The following DCDC2 variants were observed in gnomAD, a reference collection of about 807,000 sequenced individuals.
The protein encoded by DCDC2 is doublecortin domain-containing protein 2.
In DCDC2, 40 loss-of-function variants were observed where a neutral mutation model predicts 50.2. The observed-to-expected ratio is 0.80, with a 90% CI of 0.62 to 1.04. The LOEUF is 1.04. Among genes scored for constraint, DCDC2 ranks in the 50% least tolerant of loss-of-function variants. The pLI, the probability that DCDC2 is intolerant of heterozygous loss-of-function variation, is 0.00. For missense variants in DCDC2, 570 were observed against 581.9 expected, an observed-to-expected ratio of 0.98 and a Z score of 0.21; for synonymous variants, 234 against 210.6, an observed-to-expected ratio of 1.11 and a Z score of -0.96.
At position 24,202,824 on chromosome 6, in the gene DCDC2, A is replaced by G. The variant is rs57960753; in HGVS notation, c.1023+2178T>C. On this transcript the variant is annotated intron_variant, in intron 8 of 9. Transcript: ENST00000378454. The stretch of plus-strand genomic sequence containing the variant: ...AAATCAGTGTGCAAAAATCACAAGC[A>G]TTCCTATACACCAGTAATAGACAAA... 2.8e-3 allele frequency among the ~76,000 whole-genome samples: 429 copies of G among 152,310 alleles called. 1 individual carries two copies. The highest frequency in any genetic ancestry group is 1.0e-2 in the African/African-American group (414 of 41,578).
intron 2 of DCDC2, among the ~76,000 whole-genome samples, chr6:24,331,861 C>T (rs946340640): frequency 6.6e-6 from 1 of 152,104 alleles, no homozygotes; most frequent in African/African-American, 2.4e-5. Flanking sequence ...AGTGTTGCTT[C>T]CTCAGCAACC....
the DCDC2 span, among the ~76,000 whole-genome samples, chr6:24,373,716 C>G: frequency 6.6e-6 from 1 of 152,098 alleles, no homozygotes; most frequent in East Asian, 1.9e-4. Context: ...GGGAGTGGTA[C>G]GTCTTTGTAT....
At chr6:24,208,363 C>CTTTTTTTTTTTTTTTTTTTTTTT (rs34475687) in intron 7 of DCDC2, among the ~76,000 whole-genome samples, 1 of 84,404 alleles carries the variant, frequency 1.2e-5, no homozygotes, top group Non-Finnish European at 2.1e-5. Context: ...CTCTGTGCTA[C>CTTTTTTTTTTTTTTTTTTTTTTT]TTTTTTTTTT....
In DCDC2 at chr6:24,288,744, C is replaced by T. The variant is rs1293121156; in HGVS notation, c.759+108G>A. On this transcript the variant is annotated intron_variant, in intron 6 of 9. Transcript: ENST00000378454. ...GTTTCACATAATTGGTTATACACCACGAAGCGGCTAAGTTTTATCTCTTGG... is the reference window on the plus strand; with the variant it reads ...GTTTCACATAATTGGTTATACACCATGAAGCGGCTAAGTTTTATCTCTTGG... 25 of 958,640 alleles carry T rather than the reference C, an allele frequency of 2.6e-5. 1 individual carries two copies. Among genetic ancestry groups the T allele is most frequent in the South Asian group, 1.8e-4 (13 of 71,746 alleles). The allele number at this position is 958,640 out of a possible 1,614,324, so 59.4% of individuals were successfully genotyped here.
intron 2 of DCDC2, among the ~76,000 whole-genome samples, chr6:24,309,193 C>A (rs111229389): frequency 6.6e-6 from 1 of 151,772 alleles, no homozygotes; most frequent in African/African-American, 2.4e-5. Context: ...GGCTTGGTGG[C>A]GGGCACTTGT....
chr6:24,328,917 T>C (rs932457085), intron 2 of DCDC2, among the ~76,000 whole-genome samples: 1 of 152,320 alleles, frequency 6.6e-6, no homozygotes. Flanking sequence ...CGATACATGA[T>C]AGATATTTAC....
At chr6:24,301,604 G>A (rs1470147382) in intron 4 of DCDC2, 111 bp downstream of exon 4, 4 of 1,254,762 alleles carry the variant, frequency 3.2e-6, no homozygotes, top group Non-Finnish European at 4.5e-6. Context: ...GGCATACGGG[G>A]CCTAACTGGG....
intron 2 of DCDC2, among the ~76,000 whole-genome samples, chr6:24,339,719 T>A (rs1456164150): frequency 4.6e-5 from 7 of 152,224 alleles, no homozygotes; most frequent in Non-Finnish European, 1.0e-4. Context: ...GTCTGTGTAC[T>A]CAGAGTAATT....
chr6:24,249,261 A>G lies in DCDC2; in HGVS notation c.922+28788T>C, dbSNP rs149092166. 2.4e-3 allele frequency among the ~76,000 whole-genome samples: 373 copies of G among 152,336 alleles called. 2 individuals carry two copies. The highest frequency in any genetic ancestry group is 8.6e-3 in the African/African-American group (358 of 41,586). ...CCATAATTAAAAATATACTACAATC[A>G]TAGCTCTGTGGAGATGGGTTTGACT... On this transcript the variant is annotated intron_variant, in intron 7 of 9. Transcript: ENST00000378454.
At chr6:24,363,834 G>A in the DCDC2 span, among the ~76,000 whole-genome samples, 2 of 152,150 alleles carry the variant, frequency 1.3e-5, no homozygotes, top group Non-Finnish European at 2.9e-5. Flanking sequence ...CCACAGAACA[G>A]TCATCCTGAA....
chr6:24,286,302 T>C (rs1056228808), intron 6 of DCDC2, among the ~76,000 whole-genome samples: 22 of 152,134 alleles, frequency 1.4e-4, no homozygotes, highest in African/African-American at 5.1e-4. Flanking sequence ...TGTTCAAATC[T>C]ACAACTCAGG....
At chr6:24,314,653 AT>A in intron 2 of DCDC2, among the ~76,000 whole-genome samples, 1 of 152,316 alleles carries the variant, frequency 6.6e-6, no homozygotes, top group East Asian at 1.9e-4. Context: ...GTTTAAAAAA[AT>A]GAACATTGAC....
At chr6:24,182,728 G>T (rs1761106372) in intron 8 of DCDC2, among the ~76,000 whole-genome samples, 1 of 151,210 alleles carries the variant, frequency 6.6e-6, no homozygotes, top group Non-Finnish European at 1.5e-5. Context: ...ACAGCCACCT[G>T]AAAAACAGTA....
intron 4 of DCDC2, 104 bp from the exon 5 acceptor site, chr6:24,291,182 G>C: frequency 8.6e-7 from 1 of 1,159,594 alleles, no homozygotes; most frequent in Non-Finnish European, 1.2e-6. Context: ...AAATTACATA[G>C]TAAATAAAAA....
rs567271078 is a variant in DCDC2 at position 24,279,801 on chromosome 6, C to T, written c.760-1590G>A. Among the ~76,000 whole-genome samples the T allele has an allele frequency of 1.9e-4, 29 of 152,270 alleles. 1 individual carries two copies. The South Asian group carries it at 3.7e-3, about 20-fold the overall frequency. On this transcript the variant is annotated intron_variant, in intron 6 of 9. Transcript: ENST00000378454. ...TTAACTAACTCTTAATTTCTCTAAG[C>T]CTCAGTTTCCTCATCATTTGAGTGG...
chr6:24,322,438 T>C (rs1463752076), intron 2 of DCDC2, among the ~76,000 whole-genome samples: 1 of 152,090 alleles, frequency 6.6e-6, no homozygotes, highest in Non-Finnish European at 1.5e-5. Flanking sequence ...GCAAAGTCTC[T>C]TGTGGGAAAA....
chr6:24,255,146 C>T (rs1358851890), intron 7 of DCDC2, among the ~76,000 whole-genome samples: 1 of 151,986 alleles, frequency 6.6e-6, no homozygotes, highest in Non-Finnish European at 1.5e-5. Context: ...ATAGAGAGAA[C>T]AGAAACTGAT....
intron 2 of DCDC2, among the ~76,000 whole-genome samples, chr6:24,311,345 T>C (rs1447662147): frequency 2.0e-5 from 3 of 152,244 alleles, no homozygotes; most frequent in Non-Finnish European, 2.9e-5. Flanking sequence ...TCAATATTTA[T>C]GTAGACTGCA....
the DCDC2 span, among the ~76,000 whole-genome samples, chr6:24,370,165 G>A: frequency 5.3e-5 from 8 of 152,110 alleles, no homozygotes; most frequent in South Asian, 2.1e-4. Context: ...TGTTTACAAG[G>A]GACACACCAA....
Sources: gnomAD v4.1 joint callset for allele counts (sites outside exome capture counted in the v4.1 genomes callset) on GRCh38, gnomAD v4.1.1 for gene constraint, MANE v1.5 for transcripts, NCBI Gene and HGNC (gene_info 2026-07-23, HGNC 2026-07-21) for gene names.